TANC2: variants seen among roughly 807,000 people sequenced by gnomAD.
The protein encoded by TANC2 is tetratricopeptide repeat, ankyrin repeat and coiled-coil containing 2.
A neutral mutation model predicts 210.5 loss-of-function variants in TANC2; 26 were observed. The observed-to-expected ratio is 0.12, with a 90% CI of 0.09 to 0.17. The LOEUF (loss-of-function observed/expected upper bound fraction) is 0.17, where lower values mean the gene tolerates loss of function less well. Among genes scored for constraint, TANC2 ranks in the 10% least tolerant of loss-of-function variants. The probability of loss-of-function intolerance (pLI) is 1.00; values close to 1 mark genes in which losing one functional copy is unlikely to be tolerated. For synonymous variants in TANC2, 931 were observed against 967.1 expected, an observed-to-expected ratio of 0.96 and a Z score of 0.69; for missense variants, 2,129 against 2,608.9, an observed-to-expected ratio of 0.82 and a Z score of 4.01.
chr17:63,297,245 GC>G (rs2044564712), intron 9 of TANC2, among the ~76,000 whole-genome samples: 1 of 152,086 alleles, frequency 6.6e-6, no homozygotes, highest in Non-Finnish European at 1.5e-5. Flanking sequence ...CTTGCAAGGG[GC>G]CCTGAATAGC....
In TANC2 at chr17:62,973,039, T is replaced by G. The variant is rs553090398; in HGVS notation, c.-24+6290T>G. Reference sequence around the variant, plus strand: ...ATATAGTAGTTGCCGCATTTTTTTTTTTTTTTTTACACGGCGTCTCACTCT... The same window carrying G: ...ATATAGTAGTTGCCGCATTTTTTTTGTTTTTTTTACACGGCGTCTCACTCT... On this transcript the variant is annotated intron_variant, in intron 1 of 27. Transcript: ENST00000689528. Among the ~76,000 whole-genome samples, 53 of 152,096 alleles carry G rather than the reference T, an allele frequency of 3.5e-4. 1 individual carries two copies. In the South Asian group the frequency reaches 1.0e-2, roughly 29 times the overall value.
intron 7 of TANC2, among the ~76,000 whole-genome samples, chr17:63,232,248 C>T (rs557625594): frequency 9.8e-5 from 15 of 152,324 alleles, no homozygotes; most frequent in Non-Finnish European, 1.9e-4. Flanking sequence ...CTGAAGTCTA[C>T]TTCTGTCAAT....
intron 4 of TANC2, among the ~76,000 whole-genome samples, chr17:63,143,483 C>T (rs180975584): frequency 1.1e-3 from 173 of 152,240 alleles, no homozygotes; most frequent in Non-Finnish European, 2.0e-3. Flanking sequence ...ATTTATATTT[C>T]ACAGCTATAA....
intron 8 of TANC2, among the ~76,000 whole-genome samples, chr17:63,264,307 G>C (rs1227206854): frequency 1.3e-5 from 2 of 152,306 alleles, no homozygotes; most frequent in Non-Finnish European, 1.5e-5. Context: ...TTCAGGGTCT[G>C]GTGGTGAGAA....
At chr17:63,102,381 G>C (rs531579182) in intron 4 of TANC2, among the ~76,000 whole-genome samples, 1 of 150,172 alleles carries the variant, frequency 6.7e-6, no homozygotes, top group African/African-American at 2.4e-5. Flanking sequence ...ACAGTTTTTA[G>C]GGTCACGGTA....
At chr17:63,225,574 C>T (rs1309649303) in intron 7 of TANC2, among the ~76,000 whole-genome samples, 1 of 152,168 alleles carries the variant, frequency 6.6e-6, no homozygotes, top group African/African-American at 2.4e-5. Context: ...AATTTATGTT[C>T]CTCTTAATCC....
chr17:63,147,689 C>G (rs953234380), intron 4 of TANC2, among the ~76,000 whole-genome samples: 3 of 152,072 alleles, frequency 2.0e-5, no homozygotes, highest in Non-Finnish European at 4.4e-5. Flanking sequence ...TTTGTGAACC[C>G]ATGGTCTAAA....
At chr17:63,045,750 T>C (rs1046637801) in intron 2 of TANC2, among the ~76,000 whole-genome samples, 1 of 152,118 alleles carries the variant, frequency 6.6e-6, no homozygotes, top group African/African-American at 2.4e-5. Flanking sequence ...TATTTGCATA[T>C]GAGTCTTTTC....
intron 1 of TANC2, among the ~76,000 whole-genome samples, chr17:62,977,442 G>C (rs1315956228): frequency 6.6e-6 from 1 of 152,082 alleles, no homozygotes; most frequent in East Asian, 1.9e-4. Context: ...ATGCAAATTT[G>C]GTTCCAGATT....
intron 4 of TANC2, among the ~76,000 whole-genome samples, chr17:63,131,642 A>G (rs2038923650): frequency 6.6e-6 from 1 of 152,188 alleles, no homozygotes; most frequent in African/African-American, 2.4e-5. Flanking sequence ...AGTAAACATA[A>G]CCAGCTTTCA....
At chr17:63,369,132 A>G (rs1296022060) in intron 14 of TANC2, among the ~76,000 whole-genome samples, 3 of 152,180 alleles carry the variant, frequency 2.0e-5, no homozygotes, top group Non-Finnish European at 4.4e-5. Flanking sequence ...CCCATGTCCT[A>G]AACAATGATT....
intron 14 of TANC2, among the ~76,000 whole-genome samples, chr17:63,360,913 G>T (rs2046938824): frequency 1.3e-5 from 2 of 152,122 alleles, no homozygotes; most frequent in East Asian, 3.9e-4. Context: ...TTCAGTGCCT[G>T]GCTTATTTCA....
chr17:63,326,730 A>T (rs1422748171), intron 11 of TANC2, among the ~76,000 whole-genome samples: 3 of 151,612 alleles, frequency 2.0e-5, no homozygotes, highest in Non-Finnish European at 4.4e-5. Context: ...ACTGTCAAAA[A>T]CAACAACAAC....
At chr17:63,170,423 G>A (rs1369036484) in intron 5 of TANC2, among the ~76,000 whole-genome samples, 3 of 148,754 alleles carry the variant, frequency 2.0e-5, no homozygotes, top group Admixed American at 6.7e-5. Flanking sequence ...GCAACAGAGC[G>A]AGATTCCATT....
chr17:63,063,533 T>C (rs140768612), intron 2 of TANC2, among the ~76,000 whole-genome samples: 2,472 of 75,924 alleles, frequency 0.033, 80 homozygotes, highest in African/African-American at 0.17. Context: ...GACAAAGACG[T>C]GTGTGTGTGT....
At chr17:63,304,177 G>A (rs1004964987) in intron 9 of TANC2, among the ~76,000 whole-genome samples, 5 of 152,038 alleles carry the variant, frequency 3.3e-5, no homozygotes, top group African/African-American at 1.2e-4. Context: ...CTGGCCTTTT[G>A]AGTTTTCAGC....
At chr17:63,289,571 T>C (rs2044323967) in intron 9 of TANC2, among the ~76,000 whole-genome samples, 1 of 152,212 alleles carries the variant, frequency 6.6e-6, no homozygotes, top group South Asian at 2.1e-4. Flanking sequence ...TTCCATCTCT[T>C]TGCTTACATT....
chr17:63,090,285 C>T (rs1192844602), intron 3 of TANC2, among the ~76,000 whole-genome samples: 1 of 148,098 alleles, frequency 6.8e-6, no homozygotes, highest in Admixed American at 6.8e-5. Flanking sequence ...CATATGTATA[C>T]GTGTGCCATG....
chr17:63,086,131 G>C (rs538520876), intron 3 of TANC2, among the ~76,000 whole-genome samples: 1 of 151,850 alleles, frequency 6.6e-6, no homozygotes, highest in South Asian at 2.1e-4. Context: ...CTGTAGGTAA[G>C]GTTTTTTTCC....
Sources: gnomAD v4.1 joint callset for allele counts (sites outside exome capture counted in the v4.1 genomes callset) on GRCh38, gnomAD v4.1.1 for gene constraint, MANE v1.5 for transcripts, NCBI Gene and HGNC (gene_info 2026-07-23, HGNC 2026-07-21) for gene names.